Variants in HS3ST1 observed in about 807,000 individuals in gnomAD.
HS3ST1 encodes the protein heparan sulfate-glucosamine 3-sulfotransferase 1.
HS3ST1 carries 8 observed loss-of-function variants against 20.7 expected under a neutral mutation model. That is an observed-to-expected ratio of 0.39 (90% confidence interval 0.23 to 0.70). The LOEUF is 0.70. HS3ST1 is among the 30% of genes least tolerant of loss of function. The pLI is 0.46. For synonymous variants in HS3ST1, 205 were observed against 190.4 expected (o/e 1.08, Z -0.63); for missense variants, 436 against 423.4 (o/e 1.03, Z -0.26).
intron 1 of HS3ST1, among the ~76,000 whole-genome samples, chr4:11,410,891 CAAAA>C (rs1718610406): frequency 9.0e-6 from 1 of 110,642 alleles, no homozygotes; most frequent in South Asian, 3.3e-4. Flanking sequence ...GACTCCATCT[CAAAA>C]AATAAATAAA....
intron 1 of HS3ST1, among the ~76,000 whole-genome samples, chr4:11,416,933 G>C (rs1473433901): frequency 6.6e-6 from 1 of 152,186 alleles, no homozygotes; most frequent in Non-Finnish European, 1.5e-5. Context: ...ATAAGAAAAG[G>C]GAGAACGTAC....
rs1328413019 is a variant in HS3ST1, at chr4:11,399,442, G to A, written c.564C>T (p.Tyr188=). ...LVRDGRLNVD[Y]KALNRSLYHV... ...GGTAGAGGCTGCGGTTGAGGGCCTT[G>A]TAGTCCACATTGAGCCTGCCATCGC... Residue 188 remains tyrosine, a synonymous_variant, in exon 2 of 2, where the codon TAC becomes TAT. Coordinates refer to ENST00000002596, the MANE Select transcript of HS3ST1 (RefSeq NM_005114.4). The surrounding 1 kb of genome is among the most constrained non-coding windows in gnomAD (Gnocchi z 5.1). 6.2e-7 allele frequency: 1 copy of A among 1,613,892 alleles called. No individual in the cohort carries two copies. Among genetic ancestry groups the A allele is most frequent in the Non-Finnish European group, 8.5e-7 (1 of 1,179,990 alleles).
In HS3ST1 at chr4:11,394,845, A is replaced by G. The variant is rs1440541097; in HGVS notation, c.*4237T>C. ...ATTAGTAGCCCATTTTCTACTTCCT[A>G]GGGTTGTTATATAGGTTAGAAGCAA... On this transcript the variant is annotated 3_prime_UTR_variant, in exon 2 of 2. Transcript: ENST00000002596. 6.6e-6 allele frequency: 1 copy of G among 152,118 alleles called. No individual in the cohort carries two copies. The highest frequency in any genetic ancestry group is 2.1e-4 in the South Asian group (1 of 4,830). The allele number at this position is 152,118 out of a possible 1,614,324, so 9.4% of individuals were successfully genotyped here. A position where few individuals can be genotyped will look rare whatever the true frequency, so the allele number is the denominator to read the frequency against.
intron 1 of HS3ST1, among the ~76,000 whole-genome samples, chr4:11,400,334 G>A (rs924583825): frequency 3.9e-4 from 59 of 152,082 alleles, no homozygotes; most frequent in Non-Finnish European, 6.2e-4. Flanking sequence ...AACTCCAACC[G>A]TGCTATTATA....
Position 11,398,942 on chromosome 4 carries a change from G to C in HS3ST1, c.*140C>G, listed in dbSNP as rs1480691560. 3 of 707,106 alleles carry C rather than the reference G, an allele frequency of 4.2e-6. No individual in the cohort carries two copies. The Middle Eastern group carries it at 7.7e-4, about 182-fold the overall frequency. The allele number at this position is 707,106 out of a possible 1,614,324, so 43.8% of individuals were successfully genotyped here. A position where few individuals can be genotyped will look rare whatever the true frequency, so the allele number is the denominator to read the frequency against. ...AATATAACTAGTATATATGGCAATT[G>C]TGAATCTAATACTGTACAGAAGTAC... On this transcript the variant is annotated 3_prime_UTR_variant, in exon 2 of 2. Transcript: ENST00000002596.
chr4:11,423,727 A>G (rs1393153038), intron 1 of HS3ST1, among the ~76,000 whole-genome samples: 1 of 152,226 alleles, frequency 6.6e-6, no homozygotes, highest in East Asian at 1.9e-4. Context: ...AGAGATAGGA[A>G]GAAGGAACAT....
intron 1 of HS3ST1, among the ~76,000 whole-genome samples, chr4:11,415,422 A>G (rs541530312): frequency 2.0e-5 from 3 of 152,244 alleles, no homozygotes; most frequent in African/African-American, 7.2e-5. Context: ...CTGACATATG[A>G]TAGACTCACA....
intron 1 of HS3ST1, among the ~76,000 whole-genome samples, chr4:11,408,283 C>T (rs951892029): frequency 6.6e-6 from 1 of 152,162 alleles, no homozygotes; most frequent in Non-Finnish European, 1.5e-5. Context: ...ATGCTTAGGG[C>T]ATTGCCATAC....
chr4:11,424,661 C>T (rs1719017961), intron 1 of HS3ST1, among the ~76,000 whole-genome samples: 1 of 152,154 alleles, frequency 6.6e-6, no homozygotes, highest in South Asian at 2.1e-4. Flanking sequence ...AGAAAAGGCA[C>T]CTCTGGGACC....
chr4:11,413,098 A>G (rs1311185341), intron 1 of HS3ST1, among the ~76,000 whole-genome samples: 1 of 152,206 alleles, frequency 6.6e-6, no homozygotes, highest in Non-Finnish European at 1.5e-5. Context: ...CAGCCTGCAG[A>G]ACTGTGAGAA....
chr4:11,408,234 A>G (rs1165190563), intron 1 of HS3ST1, among the ~76,000 whole-genome samples: 4 of 152,162 alleles, frequency 2.6e-5, no homozygotes, highest in Middle Eastern at 3.2e-3. Flanking sequence ...TTGGCCCTAC[A>G]TATTTACTGT....
chr4:11,399,852 G>C lies in HS3ST1; in HGVS notation c.154C>G (p.Gln52Glu). The C allele has an allele frequency of 6.2e-7, 1 of 1,612,830 alleles. No individual in the cohort carries two copies. Among genetic ancestry groups the C allele is most frequent in the Non-Finnish European group, 8.5e-7 (1 of 1,179,854 alleles). Residue 52 changes from glutamine to glutamate, a missense_variant, in exon 2 of 2, where the codon CAG becomes GAG. Coordinates refer to ENST00000002596, the MANE Select transcript of HS3ST1 (RefSeq NM_005114.4). The surrounding 1 kb of genome is among the most constrained non-coding windows in gnomAD (Gnocchi z 5.1). Reference sequence around the variant, plus strand: ...ATGATGATGGTCTGCGGCAACTGCTGGGCAGAGCCGTTTGGGGCCACGCCA... The same window carrying C: ...ATGATGATGGTCTGCGGCAACTGCTCGGCAGAGCCGTTTGGGGCCACGCCA... Reference protein sequence around the residue: ...RDGVAPNGSAQQLPQTIIIGV... With the variant: ...RDGVAPNGSAEQLPQTIIIGV...
chr4:11,422,523 A>G (rs1718964804), intron 1 of HS3ST1, among the ~76,000 whole-genome samples: 1 of 152,230 alleles, frequency 6.6e-6, no homozygotes, highest in South Asian at 2.1e-4. Flanking sequence ...TATTCTTGGG[A>G]TGGTCCATCT....
intron 1 of HS3ST1, among the ~76,000 whole-genome samples, chr4:11,404,588 G>A (rs1042525288): frequency 2.8e-4 from 43 of 152,302 alleles, no homozygotes; most frequent in African/African-American, 1.0e-3. Context: ...TCACAGATTA[G>A]GAGCTTCCTG....
Position 11,399,859 on chromosome 4 carries a change from G to A in HS3ST1, c.147C>T (p.Gly49=). 6.2e-7 allele frequency: 1 copy of A among 1,612,692 alleles called. No individual in the cohort carries two copies. Among genetic ancestry groups the A allele is most frequent in the Non-Finnish European group, 8.5e-7 (1 of 1,179,826 alleles). Residue 49 remains glycine (G), a synonymous_variant, in exon 2 of 2, where the codon GGC becomes GGT. Transcript: ENST00000002596. This position sits in a 1 kb window ranked among gnomAD's most constrained non-coding sequence, Gnocchi z 5.1. ...TGGTCTGCGGCAACTGCTGGGCAGA[G>A]CCGTTTGGGGCCACGCCATCGCGGA... ...DDVRDGVAPN[G]SAQQLPQTII...
In HS3ST1 at chr4:11,393,494, G is replaced by A. The variant is rs1426449043; in HGVS notation, c.*5588C>T. The A allele has an allele frequency of 6.7e-6, 1 of 148,500 alleles. No individual in the cohort carries two copies. The highest frequency in any genetic ancestry group is 1.5e-5 in the Non-Finnish European group (1 of 68,020). 9.2% of individuals were successfully genotyped at this position (148,500 alleles called of 1,614,324 possible). On this transcript the variant is annotated 3_prime_UTR_variant, in exon 2 of 2. Coordinates refer to ENST00000002596, the MANE Select transcript of HS3ST1 (RefSeq NM_005114.4). Reference sequence around the variant, plus strand: ...CAGAGAGAAGAAAACATGCATGCAAGGTTAAGACTTTAGAGTGGATGGTCT... The same window carrying A: ...CAGAGAGAAGAAAACATGCATGCAAAGTTAAGACTTTAGAGTGGATGGTCT...
intron 1 of HS3ST1, among the ~76,000 whole-genome samples, chr4:11,412,875 A>G (rs930454490): frequency 7.2e-5 from 11 of 152,208 alleles, no homozygotes; most frequent in Admixed American, 7.2e-4. Context: ...AATCCCCATC[A>G]TGATGGTATT....
At chr4:11,416,087 A>G (rs781116481) in intron 1 of HS3ST1, among the ~76,000 whole-genome samples, 24 of 152,184 alleles carry the variant, frequency 1.6e-4, no homozygotes, top group Admixed American at 1.3e-4. Context: ...GGCAGAGTGC[A>G]GGTAGCATTG....
chr4:11,415,836 T>G (rs894262337), intron 1 of HS3ST1, among the ~76,000 whole-genome samples: 1 of 152,116 alleles, frequency 6.6e-6, no homozygotes, highest in African/African-American at 2.4e-5. Flanking sequence ...ACCAAACACA[T>G]GGGTTTGTCT....
Sources: gnomAD v4.1 joint callset for allele counts (sites outside exome capture counted in the v4.1 genomes callset) on GRCh38, gnomAD v4.1.1 for gene constraint, Gnocchi (gnomAD v3.1) non-coding constraint, MANE v1.5 for transcripts, NCBI Gene and HGNC (gene_info 2026-07-23, HGNC 2026-07-21) for gene names.